RBFOX1: variants seen among roughly 807,000 people sequenced by gnomAD.
The protein encoded by RBFOX1 is RNA binding protein fox-1 homolog 1.
RBFOX1 carries 8 observed loss-of-function variants against 57.7 expected under a neutral mutation model. The ratio of observed to expected loss-of-function variants is 0.14; its 90% CI spans 0.08 to 0.25. RBFOX1 has a LOEUF of 0.25. Ranked by LOEUF, RBFOX1 falls within the 10% of genes least tolerant of loss-of-function variation. RBFOX1 has a pLI of 1.00. For missense variants in RBFOX1, 611 were observed against 548.5 expected, an observed-to-expected ratio of 1.11 and a Z score of -1.14; for synonymous variants, 326 against 222.4, an observed-to-expected ratio of 1.47 and a Z score of -4.15.
chr16:6,873,702 A>G (rs1387948409), intron 3 of RBFOX1, among the ~76,000 whole-genome samples: 2 of 152,214 alleles, frequency 1.3e-5, no homozygotes, highest in African/African-American at 2.4e-5. Context: ...CATGATTGTC[A>G]CTGTCACTAT....
At chr16:7,065,709 T>C (rs1433543178) in intron 4 of RBFOX1, among the ~76,000 whole-genome samples, 1 of 152,166 alleles carries the variant, frequency 6.6e-6, no homozygotes, top group Non-Finnish European at 1.5e-5. Flanking sequence ...TAATACGCTG[T>C]GATTACCTGT....
intron 4 of RBFOX1, among the ~76,000 whole-genome samples, chr16:7,274,269 C>T (rs1175841291): frequency 1.3e-5 from 2 of 152,208 alleles, no homozygotes; most frequent in East Asian, 1.9e-4. Context: ...CTTGCATTGT[C>T]ATTTAATCGT....
chr16:7,152,948 A>C (rs1024046274), intron 4 of RBFOX1, among the ~76,000 whole-genome samples: 1 of 152,216 alleles, frequency 6.6e-6, no homozygotes, highest in African/African-American at 2.4e-5. Context: ...GGAGGGAACC[A>C]AGGAGTGGCC....
intron 5 of RBFOX1, among the ~76,000 whole-genome samples, chr16:7,546,333 T>TAAA (rs1219865037): frequency 8.9e-4 from 1 of 1,128 alleles, no homozygotes; most frequent in African/African-American, 9.2e-4. Context: ...CCTCAAAAAA[T>TAAA]AAAATAAAAT....
intron 1 of RBFOX1, among the ~76,000 whole-genome samples, chr16:5,310,178 C>G (rs1014120318): frequency 6.6e-6 from 1 of 152,104 alleles, no homozygotes; most frequent in African/African-American, 2.4e-5. Context: ...GTGGGCGGAT[C>G]ACTCGAGGGC....
At chr16:6,137,606 ATTTTTTT>A (rs57190040) in intron 1 of RBFOX1, among the ~76,000 whole-genome samples, 24,087 of 97,668 alleles carry the variant, frequency 0.25, 2,596 homozygotes, top group Non-Finnish European at 0.33. Flanking sequence ...GCGCCTGGTC[ATTTTTTT>A]TTTTTTTTTT....
At chr16:6,214,110 G>C (rs1435217084) in intron 1 of RBFOX1, among the ~76,000 whole-genome samples, 1 of 152,184 alleles carries the variant, frequency 6.6e-6, no homozygotes, top group Non-Finnish European at 1.5e-5. Flanking sequence ...TGGGTGCCTT[G>C]TTCCTAGTTC....
intron 2 of RBFOX1, among the ~76,000 whole-genome samples, chr16:6,606,397 C>A (rs1302841659): frequency 6.6e-6 from 1 of 152,092 alleles, no homozygotes; most frequent in Non-Finnish European, 1.5e-5. Context: ...GGTACATGTC[C>A]AGGACGTGCA....
chr16:7,315,950 A>C (rs2096429089), intron 4 of RBFOX1, among the ~76,000 whole-genome samples: 1 of 152,196 alleles, frequency 6.6e-6, no homozygotes, highest in Admixed American at 6.5e-5. Flanking sequence ...AAACAAGCTG[A>C]ACCCATATTA....
At chr16:7,083,184 G>A (rs184993306) in intron 4 of RBFOX1, among the ~76,000 whole-genome samples, 1 of 152,136 alleles carries the variant, frequency 6.6e-6, no homozygotes, top group Non-Finnish European at 1.5e-5. Flanking sequence ...ACCCCCCGAG[G>A]GGACAGTCCA....
chr16:6,440,089 A>C (rs966431887), intron 2 of RBFOX1, among the ~76,000 whole-genome samples: 2 of 151,708 alleles, frequency 1.3e-5, no homozygotes, highest in African/African-American at 4.8e-5. Context: ...GGCATGCACC[A>C]CCATGCCTGG....
intron 5 of RBFOX1, among the ~76,000 whole-genome samples, chr16:7,536,713 C>CT (rs1832360159): frequency 6.6e-6 from 1 of 152,206 alleles, no homozygotes; most frequent in African/African-American, 2.4e-5. Context: ...GAAGCCAGCT[C>CT]TTAATGGCCT....
intron 4 of RBFOX1, among the ~76,000 whole-genome samples, chr16:7,246,926 A>G (rs559567460): frequency 3.9e-4 from 59 of 152,088 alleles, no homozygotes; most frequent in Middle Eastern, 3.4e-3. Context: ...CAATTTTCCC[A>G]TTTTACGACA....
intron 2 of RBFOX1, among the ~76,000 whole-genome samples, chr16:5,470,520 T>C (rs747669906): frequency 2.0e-4 from 31 of 152,162 alleles, no homozygotes; most frequent in Admixed American, 3.9e-4. Flanking sequence ...TCTCTCCCTC[T>C]ACCTTTCTAT....
chr16:7,579,636 G>A (rs1316581945), intron 5 of RBFOX1, 141 bp from the exon 6 acceptor site: 1 of 956,748 alleles, frequency 1.0e-6, no homozygotes, highest in Non-Finnish European at 1.6e-6. Flanking sequence ...ATGAATGCAT[G>A]CATGCATGCG....
intron 1 of RBFOX1, among the ~76,000 whole-genome samples, chr16:6,077,704 A>ATTTATTTATTTATTTG (rs1182052410): frequency 6.6e-6 from 1 of 150,904 alleles, no homozygotes; most frequent in Non-Finnish European, 1.5e-5. Flanking sequence ...TTATTTATTT[A>ATTTATTTATTTATTTG]TTTATTCATT....
intron 11 of RBFOX1, among the ~76,000 whole-genome samples, chr16:7,637,769 G>T (rs184500572): frequency 1.3e-5 from 2 of 152,244 alleles, no homozygotes; most frequent in African/African-American, 2.4e-5. Context: ...TATGGAGGGG[G>T]TGCTTAACAA....
chr16:5,860,231 T>C (rs898677187), intron 3 of RBFOX1, among the ~76,000 whole-genome samples: 2 of 152,074 alleles, frequency 1.3e-5, no homozygotes, highest in African/African-American at 4.8e-5. Flanking sequence ...TACAGACGCA[T>C]GCCACCATGC....
At chr16:6,211,655 C>T (rs923569719) in intron 1 of RBFOX1, among the ~76,000 whole-genome samples, 1 of 152,092 alleles carries the variant, frequency 6.6e-6, no homozygotes, top group African/African-American at 2.4e-5. Flanking sequence ...AGAGAAGTAC[C>T]TCTTTTCTCT....
Sources: allele counts gnomAD v4.1 joint callset (sites outside exome capture counted in the v4.1 genomes callset), GRCh38; gene constraint gnomAD v4.1.1; transcripts MANE v1.5; gene names NCBI Gene and HGNC (gene_info 2026-07-23, HGNC 2026-07-21).